The following NCKAP5 variants were observed in gnomAD, a reference collection of about 807,000 sequenced individuals.
The protein encoded by NCKAP5 is nck-associated protein 5.
In NCKAP5, 92 loss-of-function variants were observed where a neutral mutation model predicts 167.0. The ratio of observed to expected loss-of-function variants is 0.55; its 90% confidence interval spans 0.47 to 0.66. NCKAP5 has a LOEUF of 0.66. Among genes scored for constraint, NCKAP5 ranks in the 30% least tolerant of loss-of-function variants. The pLI is 0.00. For missense variants in NCKAP5, 2,378 were observed against 2,315.0 expected, an observed-to-expected ratio of 1.03 and a Z score of -0.56; for synonymous variants, 891 against 877.4, an observed-to-expected ratio of 1.02 and a Z score of -0.27.
At chr2:132,838,294 A>G (rs1688043844) in intron 11 of NCKAP5, among the ~76,000 whole-genome samples, 1 of 152,052 alleles carries the variant, frequency 6.6e-6, no homozygotes, top group African/African-American at 2.4e-5. Context: ...TGTTTAATTA[A>G]TTCAGTTCCC....
rs2076587776 is a variant in NCKAP5 at position 132,963,843 on chromosome 2, T to TTTCTCTCTTCCTCTGACAGC, written c.455_456insGCTGTCAGAGGAAGAGAGAA (p.His153LeufsTer41). On this transcript the variant is annotated frameshift_variant, in exon 8 of 20. Coordinates refer to ENST00000409261, the MANE Select transcript of NCKAP5 (RefSeq NM_207363.3). LOFTEE classifies it high-confidence loss of function. ...GAAGATCTTCCAAAGCTTCCTTATG[T>TTTCTCTCTTCCTCTGACAGC]TTTCTCTCTTCCTCTGACAGCTTTT... The TTTCTCTCTTCCTCTGACAGC allele has an allele frequency of 6.2e-6, 10 of 1,613,748 alleles. No individual in the cohort carries two copies. Among genetic ancestry groups the TTTCTCTCTTCCTCTGACAGC allele is most frequent in the Non-Finnish European group, 8.5e-6 (10 of 1,179,866 alleles).
intron 3 of NCKAP5, among the ~76,000 whole-genome samples, chr2:133,361,149 T>C (rs1401959136): frequency 6.6e-6 from 1 of 151,992 alleles, no homozygotes; most frequent in Non-Finnish European, 1.5e-5. Context: ...AGGAGGAGCT[T>C]CACCAGCCCA....
intron 4 of NCKAP5, among the ~76,000 whole-genome samples, chr2:133,227,434 T>A (rs189094847): frequency 2.0e-5 from 3 of 152,332 alleles, no homozygotes; most frequent in Admixed American, 6.5e-5. Flanking sequence ...CAAACACATG[T>A]ATATACTCTC....
intron 19 of NCKAP5, among the ~76,000 whole-genome samples, chr2:132,694,977 G>A (rs750799863): frequency 6.6e-6 from 1 of 152,148 alleles, no homozygotes; most frequent in Non-Finnish European, 1.5e-5. Flanking sequence ...GGCAGTTTTG[G>A]TGTCTGGTGA....
chr2:132,790,367 C>T (rs1304293150), intron 12 of NCKAP5, among the ~76,000 whole-genome samples, 162 bp from the exon 13 acceptor site: 3 of 152,126 alleles, frequency 2.0e-5, no homozygotes, highest in Non-Finnish European at 4.4e-5. Context: ...TGAAAATGTA[C>T]TCAGTACACC....
intron 8 of NCKAP5, among the ~76,000 whole-genome samples, chr2:132,902,384 G>T (rs1357241884): frequency 6.6e-6 from 1 of 152,140 alleles, no homozygotes; most frequent in African/African-American, 2.4e-5. Flanking sequence ...AAAGGTCAAG[G>T]GGAACAGAGT....
intron 3 of NCKAP5, among the ~76,000 whole-genome samples, chr2:133,414,374 C>G (rs1166609664): frequency 2.6e-5 from 4 of 152,098 alleles, no homozygotes; most frequent in African/African-American, 9.7e-5. Context: ...AGAAACCTGT[C>G]CCCTTTGGTT....
At chr2:133,514,910 C>T (rs1393592111) in intron 3 of NCKAP5, among the ~76,000 whole-genome samples, 1 of 151,980 alleles carries the variant, frequency 6.6e-6, no homozygotes, top group Non-Finnish European at 1.5e-5. Flanking sequence ...CCGATTTTCA[C>T]TTTAGCATTC....
chr2:133,382,648 A>G (rs1371040882), intron 3 of NCKAP5, among the ~76,000 whole-genome samples: 2 of 152,212 alleles, frequency 1.3e-5, no homozygotes, highest in Admixed American at 6.5e-5. Context: ...AAGGCCTCCA[A>G]GAAGCCTTTT....
intron 3 of NCKAP5, among the ~76,000 whole-genome samples, chr2:133,457,410 G>A (rs1691929300): frequency 6.6e-6 from 1 of 152,082 alleles, no homozygotes; most frequent in Admixed American, 6.6e-5. Flanking sequence ...TTGATGTGAA[G>A]AGAAAGATGC....
At chr2:133,214,020 A>C (rs981077289) in intron 4 of NCKAP5, among the ~76,000 whole-genome samples, 1 of 152,228 alleles carries the variant, frequency 6.6e-6, no homozygotes, top group South Asian at 2.1e-4. Context: ...TGGTGAGTAG[A>C]TGCTTTGCTT....
At chr2:133,306,652 C>G (rs1379597030) in intron 3 of NCKAP5, among the ~76,000 whole-genome samples, 1 of 152,182 alleles carries the variant, frequency 6.6e-6, no homozygotes, top group Non-Finnish European at 1.5e-5. Context: ...TTCAGGGCAA[C>G]ATACACCTTA....
At chr2:133,093,362 G>A (rs1052177210) in intron 6 of NCKAP5, among the ~76,000 whole-genome samples, 11 of 152,122 alleles carry the variant, frequency 7.2e-5, no homozygotes, top group Non-Finnish European at 1.5e-4. Context: ...GATGCAAAAA[G>A]TCATTTCATT....
At chr2:132,827,436 C>T (rs555969436) in intron 11 of NCKAP5, among the ~76,000 whole-genome samples, 1 of 152,212 alleles carries the variant, frequency 6.6e-6, no homozygotes, top group East Asian at 1.9e-4. Flanking sequence ...TGTACATATT[C>T]ATGGGGTACA....
intron 8 of NCKAP5, among the ~76,000 whole-genome samples, chr2:132,914,032 C>T (rs1044279061): frequency 6.6e-6 from 1 of 152,106 alleles, no homozygotes; most frequent in African/African-American, 2.4e-5. Context: ...AGTTAAAACT[C>T]GCACCACCTT....
chr2:133,121,493 G>A (rs12624035), intron 6 of NCKAP5, among the ~76,000 whole-genome samples: 22,682 of 152,088 alleles, frequency 0.15, 1,984 homozygotes, highest in East Asian at 0.37. Flanking sequence ...TTGACCTAGC[G>A]TTGGTTACAA....
rs150183371 is a variant in NCKAP5 at position 133,417,118 on chromosome 2, T to C, written c.69+100340A>G. Among the ~76,000 whole-genome samples, 1,117 of 137,676 alleles carry C rather than the reference T, an allele frequency of 8.1e-3. 19 individuals carry two copies. The highest frequency in any genetic ancestry group is 0.03 in the African/African-American group (1,026 of 34,414). The allele number at this position is 137,676 out of a possible 152,430, so 90.3% of individuals were successfully genotyped here. On this transcript the variant is annotated intron_variant, in intron 3 of 19. Transcript: ENST00000409261. Reference sequence around the variant, plus strand: ...TATCTTTCTTTTTTGCCCTGGAAAGTATGTTAAAAAAAAAAAAAAAAGGCA... The same window carrying C: ...TATCTTTCTTTTTTGCCCTGGAAAGCATGTTAAAAAAAAAAAAAAAAGGCA...
chr2:133,612,233 T>C, the NCKAP5 span, among the ~76,000 whole-genome samples: 2 of 152,160 alleles, frequency 1.3e-5, no homozygotes, highest in African/African-American at 4.8e-5. Context: ...CCCAGCTTCA[T>C]AATGGAAATA....
intron 5 of NCKAP5, among the ~76,000 whole-genome samples, chr2:133,166,852 A>AT (rs1384683608): frequency 6.6e-6 from 1 of 152,050 alleles, no homozygotes; most frequent in Non-Finnish European, 1.5e-5. Context: ...TTTAAAGTAC[A>AT]TTTTTTCTTT....
Sources: gnomAD v4.1 joint callset for allele counts (sites outside exome capture counted in the v4.1 genomes callset) on GRCh38, gnomAD v4.1.1 for gene constraint, MANE v1.5 for transcripts, NCBI Gene and HGNC (gene_info 2026-07-23, HGNC 2026-07-21) for gene names.